The following CCNY variants were observed in gnomAD, a reference collection of about 807,000 sequenced individuals.
CCNY encodes cyclin Y, also known as cyclin-Y.
A neutral mutation model predicts 42.8 loss-of-function variants in CCNY; 19 were observed. The ratio of observed to expected loss-of-function variants is 0.44; its 90% CI spans 0.31 to 0.65. The LOEUF is 0.65. Among genes scored for constraint, CCNY ranks in the 30% least tolerant of loss-of-function variants. The pLI, the probability that CCNY is intolerant of heterozygous loss-of-function variation, is 0.07. For missense variants in CCNY, 370 were observed against 437.3 expected (o/e 0.85, Z 1.37); for synonymous variants, 165 against 162.7 (o/e 1.01, Z -0.11).
rs1840003660 is a variant in CCNY, at chr10:35,496,375, C to G, written c.230-5126C>G. On this transcript the variant is annotated intron_variant, in intron 2 of 9. Transcript: ENST00000374704. ...AGGAAGGGGTCCTACACGCGGTCTC[C>G]TCTCTTCTTCTTCTGGGCCTTCCCT... Among the ~76,000 whole-genome samples the G allele has an allele frequency of 2.0e-5, 3 of 152,258 alleles. No individual in the cohort carries two copies. In the South Asian group the frequency reaches 6.2e-4, roughly 32 times the overall value.
chr10:35,420,033 T>C (rs1466620806), intron 1 of CCNY, among the ~76,000 whole-genome samples: 1 of 151,952 alleles, frequency 6.6e-6, no homozygotes, highest in East Asian at 1.9e-4. Flanking sequence ...TTTTGCTGAC[T>C]CCTGTTCTTA....
chr10:35,456,326 A>G (rs1440268169), intron 1 of CCNY, among the ~76,000 whole-genome samples: 1 of 152,234 alleles, frequency 6.6e-6, no homozygotes, highest in Middle Eastern at 3.2e-3. Context: ...ACAAAAAAGA[A>G]AGAGAATGGA....
At chr10:35,329,880 A>G (rs1162442421) in intron 3 of CCNY, among the ~76,000 whole-genome samples, 1 of 152,196 alleles carries the variant, frequency 6.6e-6, no homozygotes, top group Admixed American at 6.5e-5. Context: ...GGGGAGGGAC[A>G]GGACCGCCTG....
chr10:35,440,615 G>T (rs1485374684), intron 1 of CCNY, among the ~76,000 whole-genome samples: 5 of 152,196 alleles, frequency 3.3e-5, no homozygotes, highest in Middle Eastern at 6.3e-3. Flanking sequence ...GTATTCTGCT[G>T]TTTTAGACCC....
intron 1 of CCNY, among the ~76,000 whole-genome samples, chr10:35,460,451 TAC>T (rs57760757): frequency 3.3e-5 from 5 of 150,800 alleles, no homozygotes; most frequent in East Asian, 2.0e-4. Context: ...ATTGTATATG[TAC>T]ACACACACAC....
At chr10:35,406,645 G>A (rs1459570290) in intron 1 of CCNY, among the ~76,000 whole-genome samples, 4 of 152,146 alleles carry the variant, frequency 2.6e-5, no homozygotes, top group Non-Finnish European at 5.9e-5. Flanking sequence ...ACACAGACAC[G>A]GCAACCATCC....
At chr10:35,549,304 GT>G (rs1041886567) in intron 7 of CCNY, among the ~76,000 whole-genome samples, 6 of 152,162 alleles carry the variant, frequency 3.9e-5, no homozygotes, top group African/African-American at 1.4e-4. Context: ...GGGGTGGGGG[GT>G]TCTGCAGAGT....
At chr10:35,418,440 A>G (rs1032264645) in intron 1 of CCNY, among the ~76,000 whole-genome samples, 1 of 152,154 alleles carries the variant, frequency 6.6e-6, no homozygotes, top group Non-Finnish European at 1.5e-5. Flanking sequence ...GCTTGAGCCT[A>G]TGGAGAAATT....
At chr10:35,549,471 G>A (rs71489507) in intron 7 of CCNY, among the ~76,000 whole-genome samples, 32 of 142,872 alleles carry the variant, frequency 2.2e-4, no homozygotes, top group African/African-American at 7.0e-4. Context: ...TACAGTGCTC[G>A]TGACCCTGTG....
chr10:35,485,197 C>T (rs1839757558), intron 2 of CCNY, among the ~76,000 whole-genome samples: 1 of 152,222 alleles, frequency 6.6e-6, no homozygotes, highest in Non-Finnish European at 1.5e-5. Flanking sequence ...GTCCACTCTC[C>T]CATTGGGATC....
chr10:35,511,464 A>G (rs1302247839), intron 3 of CCNY, among the ~76,000 whole-genome samples: 1 of 152,116 alleles, frequency 6.6e-6, no homozygotes, highest in African/African-American at 2.4e-5. Context: ...CTGAAGGATG[A>G]GTGGAGTCAG....
At chr10:35,412,488 C>G (rs1343962090) in intron 1 of CCNY, among the ~76,000 whole-genome samples, 1 of 151,962 alleles carries the variant, frequency 6.6e-6, no homozygotes, top group African/African-American at 2.4e-5. Flanking sequence ...GAAGGGCTGG[C>G]AGCAGGGAAG....
chr10:35,346,327 C>G (rs1164525100), intron 1 of CCNY, among the ~76,000 whole-genome samples: 1 of 152,152 alleles, frequency 6.6e-6, no homozygotes, highest in Non-Finnish European at 1.5e-5. Context: ...TTGCTAGGCT[C>G]TCTGTCTCCC....
In CCNY at chr10:35,425,442, T is replaced by G. The variant is rs113579172; in HGVS notation, c.155-57962T>G. ...TATCCCAGGAATACTCATACATGTTTGCAAAGGTAGGGATTCATCATAGCA... is the reference window on the plus strand; with the variant it reads ...TATCCCAGGAATACTCATACATGTTGGCAAAGGTAGGGATTCATCATAGCA... On this transcript the variant is annotated intron_variant, in intron 1 of 9. Transcript: ENST00000374704. Among the ~76,000 whole-genome samples the G allele has an allele frequency of 3.4e-3, 512 of 152,346 alleles. 4 individuals carry two copies. Among genetic ancestry groups the G allele is most frequent in the African/African-American group, 0.012 (482 of 41,574 alleles).
intron 3 of CCNY, among the ~76,000 whole-genome samples, chr10:35,318,648 T>C (rs1178057877): frequency 6.6e-6 from 1 of 152,170 alleles, no homozygotes; most frequent in African/African-American, 2.4e-5. Context: ...TTGGTAATAT[T>C]GAAAAGCAAG....
At chr10:35,464,867 G>A (rs1470924315) in intron 1 of CCNY, among the ~76,000 whole-genome samples, 1 of 152,126 alleles carries the variant, frequency 6.6e-6, no homozygotes, top group African/African-American at 2.4e-5. Flanking sequence ...AGCTTTCAGG[G>A]TGTTGTCATT....
chr10:35,337,579 G>A (rs1164267599), intron 1 of CCNY, among the ~76,000 whole-genome samples: 1 of 152,228 alleles, frequency 6.6e-6, no homozygotes, highest in Non-Finnish European at 1.5e-5. Flanking sequence ...GCAGCCCGAA[G>A]CCAAGTTGTG....
intron 3 of CCNY, among the ~76,000 whole-genome samples, chr10:35,307,816 ATATT>A (rs1299223465): frequency 1.3e-4 from 9 of 68,528 alleles, no homozygotes; most frequent in African/African-American, 3.0e-4. Flanking sequence ...ATATATATAT[ATATT>A]TTTTTTTTTT....
chr10:35,340,443 A>G (rs1378275712), intron 1 of CCNY, among the ~76,000 whole-genome samples: 1 of 152,118 alleles, frequency 6.6e-6, no homozygotes, highest in African/African-American at 2.4e-5. Flanking sequence ...GATACTTGTA[A>G]CAGCTGTACC....
Sources: allele counts gnomAD v4.1 joint callset (sites outside exome capture counted in the v4.1 genomes callset), GRCh38; gene constraint gnomAD v4.1.1; transcripts MANE v1.5; gene names NCBI Gene and HGNC (gene_info 2026-07-23, HGNC 2026-07-21).